Variants in SLC4A4 observed in about 807,000 individuals in gnomAD.
The protein encoded by SLC4A4 is solute carrier family 4 member 4, also known as electrogenic sodium bicarbonate cotransporter 1.
Under a neutral mutation model 111.5 loss-of-function variants are expected in SLC4A4, and 27 were observed. The observed-to-expected ratio is 0.24, with a 90% CI of 0.18 to 0.33. The LOEUF is 0.33. SLC4A4 is among the 10% of genes least tolerant of loss of function. The pLI is 1.00. For synonymous variants in SLC4A4, 443 were observed against 463.4 expected, an observed-to-expected ratio of 0.96 and a Z score of 0.57; for missense variants, 909 against 1,315.5, an observed-to-expected ratio of 0.69 and a Z score of 4.78.
chr4:71,079,802 T>C (rs1741944404), intron 1 of SLC4A4, among the ~76,000 whole-genome samples: 1 of 148,568 alleles, frequency 6.7e-6, no homozygotes, highest in Non-Finnish European at 1.5e-5. Flanking sequence ...GTAAAGAAAA[T>C]GCTATGATTT....
chr4:71,236,017 G>T (rs1481671867), intron 1 of SLC4A4: 6 of 989,424 alleles, frequency 6.1e-6, no homozygotes, highest in Non-Finnish European at 7.2e-6. Flanking sequence ...AGAGAATACT[G>T]GGCTGTGCTG....
chr4:71,107,190 A>G (rs1742955480), intron 2 of SLC4A4, among the ~76,000 whole-genome samples: 1 of 152,098 alleles, frequency 6.6e-6, no homozygotes, highest in African/African-American at 2.4e-5. Flanking sequence ...TCATTCTGCC[A>G]ATCTCTGTCT....
At chr4:71,211,121 T>C (rs2149012046) in intron 1 of SLC4A4, among the ~76,000 whole-genome samples, 1 of 152,384 alleles carries the variant, frequency 6.6e-6, no homozygotes, top group Non-Finnish European at 1.5e-5. Flanking sequence ...TATCGTTGTA[T>C]GACAGGGTGA....
At chr4:71,246,478 G>A (rs1720664650) in intron 2 of SLC4A4, among the ~76,000 whole-genome samples, 1 of 152,178 alleles carries the variant, frequency 6.6e-6, no homozygotes, top group African/African-American at 2.4e-5. Context: ...GGAATAAAAG[G>A]TGTTGAAAGA....
chr4:71,406,807 G>A (rs1408753978), intron 7 of SLC4A4, among the ~76,000 whole-genome samples: 1 of 152,086 alleles, frequency 6.6e-6, no homozygotes, highest in African/African-American at 2.4e-5. Flanking sequence ...TGCATAGGGA[G>A]TGATTGTAAG....
At chr4:71,097,337 C>G (rs78925519) in intron 2 of SLC4A4, among the ~76,000 whole-genome samples, 1 of 152,154 alleles carries the variant, frequency 6.6e-6, no homozygotes, top group Non-Finnish European at 1.5e-5. Context: ...CACCCATGTT[C>G]CCACAAAAGA....
In SLC4A4 at chr4:71,445,841, A is replaced by G. The variant is rs112212381; in HGVS notation, c.966-1805A>G. On this transcript the variant is annotated intron_variant, in intron 8 of 25. Transcript: ENST00000264485. Reference sequence around the variant, plus strand: ...ATACACTTTACAGTCCTAAAGAAGCACTTTATAATACTATACGTAGTGGCA... The same window carrying G: ...ATACACTTTACAGTCCTAAAGAAGCGCTTTATAATACTATACGTAGTGGCA... Among the ~76,000 whole-genome samples the G allele has an allele frequency of 9.6e-3, 1,458 of 152,344 alleles. 26 individuals carry two copies. Among genetic ancestry groups the G allele is most frequent in the African/African-American group, 0.034 (1,404 of 41,590 alleles).
At chr4:71,418,984 G>A (rs554156459) in intron 7 of SLC4A4, among the ~76,000 whole-genome samples, 17 of 152,284 alleles carry the variant, frequency 1.1e-4, no homozygotes, top group Non-Finnish European at 1.6e-4. Flanking sequence ...CTGGGTATCC[G>A]CAGCGGTGTT....
intron 11 of SLC4A4, among the ~76,000 whole-genome samples, chr4:71,451,654 G>A (rs1029260349): frequency 6.6e-6 from 1 of 152,060 alleles, no homozygotes; most frequent in Non-Finnish European, 1.5e-5. Context: ...GGCAACATTT[G>A]AAGAAAGTGC....
chr4:71,212,775 A>T (rs931452315), intron 1 of SLC4A4, among the ~76,000 whole-genome samples: 1 of 152,132 alleles, frequency 6.6e-6, no homozygotes, highest in African/African-American at 2.4e-5. Context: ...GGTACTAGGG[A>T]GCTGAGCAGA....
chr4:71,487,699 C>T (rs1452675412), intron 15 of SLC4A4, among the ~76,000 whole-genome samples: 3 of 151,620 alleles, frequency 2.0e-5, no homozygotes, highest in Admixed American at 6.6e-5. Flanking sequence ...GTTATAAAGA[C>T]AGAAGCCATA....
chr4:71,430,765 C>A (rs1193485257), intron 7 of SLC4A4, among the ~76,000 whole-genome samples: 1 of 152,100 alleles, frequency 6.6e-6, no homozygotes, highest in African/African-American at 2.4e-5. Flanking sequence ...TGTGGACAGT[C>A]CTGTGCCCTT....
chr4:71,534,397 C>T lies in SLC4A4; in HGVS notation c.2442+9C>T. On this transcript the variant is annotated intron_variant, in intron 18 of 25. Coordinates refer to ENST00000264485, the MANE Select transcript of SLC4A4 (RefSeq NM_001098484.3). ...AAGAACATAAACTCAAGGTAAGTGTCCATAATAATGTCTGTCATTGCCTTC... is the reference window on the plus strand; with the variant it reads ...AAGAACATAAACTCAAGGTAAGTGTTCATAATAATGTCTGTCATTGCCTTC... 1 of 1,612,206 alleles carries T rather than the reference C, an allele frequency of 6.2e-7. No homozygotes were observed.
intron 7 of SLC4A4, among the ~76,000 whole-genome samples, chr4:71,419,832 A>G (rs1328625657): frequency 1.3e-5 from 2 of 152,172 alleles, no homozygotes; most frequent in Non-Finnish European, 2.9e-5. Flanking sequence ...CTATTCGGCC[A>G]TCTTGGCTCC....
chr4:71,544,664 A>G (rs1735352386), intron 18 of SLC4A4, among the ~76,000 whole-genome samples: 1 of 152,060 alleles, frequency 6.6e-6, no homozygotes, highest in Non-Finnish European at 1.5e-5. Context: ...TTCGCCTAAC[A>G]CAGCAGCCAG....
At chr4:71,129,784 C>CAAAAA (rs35737857) in intron 2 of SLC4A4, among the ~76,000 whole-genome samples, 9 of 75,556 alleles carry the variant, frequency 1.2e-4, no homozygotes, top group Non-Finnish European at 1.3e-4. Flanking sequence ...TACCATGCAC[C>CAAAAA]AAAAAAAAAA....
At chr4:71,368,467 G>A (rs1306320331) in intron 6 of SLC4A4, among the ~76,000 whole-genome samples, 2 of 142,760 alleles carry the variant, frequency 1.4e-5, no homozygotes, top group African/African-American at 4.9e-5. Context: ...GAAAAACAGA[G>A]GAAATTGAGA....
chr4:71,093,047 AT>A (rs201630005), intron 2 of SLC4A4, among the ~76,000 whole-genome samples: 13,895 of 151,330 alleles, frequency 0.092, 783 homozygotes, highest in African/African-American at 0.16. Context: ...GTGAACCGAG[AT>A]CACGCCACTG....
intron 7 of SLC4A4, among the ~76,000 whole-genome samples, chr4:71,431,036 A>G (rs926199645): frequency 2.6e-5 from 4 of 152,076 alleles, no homozygotes; most frequent in African/African-American, 4.8e-5. Context: ...AATAATAACC[A>G]TCACTCATCA....
Sources: gnomAD v4.1 joint callset for allele counts (sites outside exome capture counted in the v4.1 genomes callset) on GRCh38, gnomAD v4.1.1 for gene constraint, MANE v1.5 for transcripts, NCBI Gene and HGNC (gene_info 2026-07-23, HGNC 2026-07-21) for gene names.